The following MAP1LC3A variants were observed in gnomAD, a reference collection of about 807,000 sequenced individuals.
MAP1LC3A encodes the protein microtubule-associated protein 1 light chain 3 alpha.
In MAP1LC3A, 10 loss-of-function variants were observed where a neutral mutation model predicts 15.2. That is an observed-to-expected ratio of 0.66 (90% confidence interval 0.41 to 1.12). The LOEUF is 1.12. MAP1LC3A is among the 50% of genes most tolerant of loss of function. The probability of loss-of-function intolerance (pLI) is 0.00; values close to 1 mark genes in which losing one functional copy is unlikely to be tolerated. For missense variants in MAP1LC3A, 138 were observed against 167.3 expected, an observed-to-expected ratio of 0.82 and a Z score of 0.97; for synonymous variants, 63 against 64.3, an observed-to-expected ratio of 0.98 and a Z score of 0.10.
At chr20:34,559,287 G>GGCCCC in intron 2 of MAP1LC3A, 24 bp downstream of exon 2, 13 of 1,563,918 alleles carry the variant, frequency 8.3e-6, no homozygotes, top group East Asian at 2.3e-5. Context: ...CCCCAGCCCT[G>GGCCCC]CCCCGCCCCC....
chr20:34,558,956 C>G lies in MAP1LC3A; in HGVS notation c.40+48C>G. 1 of 1,349,304 alleles carries G rather than the reference C, an allele frequency of 7.4e-7. No individual in the cohort carries two copies. The highest frequency in any genetic ancestry group is 1.8e-5 in the South Asian group (1 of 55,846). The allele number at this position is 1,349,304 out of a possible 1,614,324, so 83.6% of individuals were successfully genotyped here. On this transcript the variant is annotated intron_variant, in intron 1 of 3. Transcript: ENST00000360668. This position sits in a 1 kb window ranked among gnomAD's most constrained non-coding sequence, Gnocchi z 4.3. ...CGAGCTCTGGGGCAGGGGTGCCGGC[C>G]GACCCCGACTGCCGCAGGTGACGTC...
chr20:34,554,565 G>A (rs1982079234), upstream of MAP1LC3A, among the ~76,000 whole-genome samples: 1 of 151,380 alleles, frequency 6.6e-6, no homozygotes, highest in Non-Finnish European at 1.5e-5. Context: ...GTAGAGACGG[G>A]GTTTCACCAT....
intron 1 of MAP1LC3A, 127 bp downstream of exon 1, chr20:34,559,035 C>G: frequency 1.5e-6 from 2 of 1,337,110 alleles, no homozygotes; most frequent in Non-Finnish European, 1.9e-6. Flanking sequence ...CAGCTCCGGC[C>G]TGGGCGGGGG....
At chr20:34,551,715 T>C (rs758119500) in intron 2 of MAP1LC3A, among the ~76,000 whole-genome samples, 6 of 152,016 alleles carry the variant, frequency 3.9e-5, no homozygotes, top group Non-Finnish European at 7.4e-5. Context: ...GATCTGCCCT[T>C]GGCCTCCCGA....
chr20:34,559,091 G>A, intron 1 of MAP1LC3A, 117 bp from the exon 2 acceptor site: 2 of 1,333,938 alleles, frequency 1.5e-6, no homozygotes, highest in Non-Finnish European at 9.7e-7. Flanking sequence ...TGTGGGGCCT[G>A]ATGGCCCCGG....
chr20:34,549,979 T>C (rs753037424), exon 2 of MAP1LC3A: 40 of 1,614,056 alleles, frequency 2.5e-5, no homozygotes, highest in Non-Finnish European at 3.4e-5. Flanking sequence ...GTTTTGCAGA[T>C]GAAGATGAGA....
rs1055265505 is a variant in MAP1LC3A, at chr20:34,559,792, G to A, written c.260G>A (p.Ser87Asn). 20 of 1,612,588 alleles carry A rather than the reference G, an allele frequency of 1.2e-5. No individual in the cohort carries two copies. Among genetic ancestry groups the A allele is most frequent in the African/African-American group, 2.7e-5 (2 of 74,850 alleles). Residue 87 changes from serine to asparagine, a missense_variant, in exon 4 of 4, where the codon AGC (serine) becomes AAC (asparagine). By Grantham distance (46) the Ser-to-Asn change is conservative. Transcript: ENST00000360668. ...QAFFLLVNQH[S>N]MVSVSTPIAD... is the part of the protein sequence containing the mutation. ...TTCTTCCTGCTGGTGAACCAGCACA[G>A]CATGGTGAGTGTGTCCACGCCCATC...
In MAP1LC3A at chr20:34,558,914, G is replaced by A. The variant is rs1211524818; in HGVS notation, c.40+6G>A. On this transcript the variant is annotated splice_donor_region_variant and intron_variant, in intron 1 of 3. Transcript: ENST00000360668. The surrounding 1 kb of genome is among the most constrained non-coding windows in gnomAD (Gnocchi z 4.3). ...CAAGCAGCGGCGGAGCTTCGGTGAG[G>A]CCCGGCAGGCGAGCTGCGAGCTCTG... The A allele has an allele frequency of 7.2e-7, 1 of 1,396,824 alleles. No homozygotes were observed. The highest frequency in any genetic ancestry group is 1.5e-5 in the South Asian group (1 of 65,906). The allele number at this position is 1,396,824 out of a possible 1,614,324, so 86.5% of individuals were successfully genotyped here.
At chr20:34,559,139 C>T in intron 1 of MAP1LC3A, 69 bp from the exon 2 acceptor site, 1 of 1,414,428 alleles carries the variant, frequency 7.1e-7, no homozygotes, top group Admixed American at 3.1e-5. Context: ...CGGGGGCCGC[C>T]CCTCCGGGAC....
rs914425720 is a variant in MAP1LC3A, at chr20:34,548,699, C to T, written c.-73-1206C>T. On this transcript the variant is annotated intron_variant, in intron 1 of 4. Transcript: ENST00000374837. ...CTACAATCTTTGGAGTGTTCCCCTT[C>T]GCTGCCTTTTTTTTTTTTTTTTAAA... Among the ~76,000 whole-genome samples the T allele has an allele frequency of 4.9e-5, 7 of 142,278 alleles. No homozygotes were observed. In the East Asian group the frequency reaches 8.4e-4, roughly 17 times the overall value. 93.3% of individuals were successfully genotyped at this position (142,278 alleles called of 152,430 possible). A position where few individuals can be genotyped will look rare whatever the true frequency, so the allele number is the denominator to read the frequency against.
intron 2 of MAP1LC3A, among the ~76,000 whole-genome samples, chr20:34,551,748 G>T (rs1319036995): frequency 6.6e-6 from 1 of 151,684 alleles, no homozygotes; most frequent in Non-Finnish European, 1.5e-5. Context: ...ACAGGCGTGA[G>T]CCACCGCGCC....
upstream of MAP1LC3A, among the ~76,000 whole-genome samples, chr20:34,556,268 G>A (rs1982154495): frequency 6.6e-6 from 1 of 152,214 alleles, no homozygotes; most frequent in African/African-American, 2.4e-5. Context: ...GCTTTTGTCT[G>A]TGGCCAAAGA....
chr20:34,557,932 C>T (rs1460642922), upstream of MAP1LC3A, among the ~76,000 whole-genome samples: 1 of 136,882 alleles, frequency 7.3e-6, no homozygotes, highest in Non-Finnish European at 1.6e-5. Flanking sequence ...CGTCCCCCTC[C>T]CCCCTCCCCC....
At chr20:34,555,382 T>G (rs1982118411), upstream of MAP1LC3A, among the ~76,000 whole-genome samples, 1 of 152,140 alleles carries the variant, frequency 6.6e-6, no homozygotes. Flanking sequence ...TGGCCTCAAG[T>G]GATCTGCCCA....
chr20:34,551,129 G>A (rs1015330502), intron 2 of MAP1LC3A, among the ~76,000 whole-genome samples: 13 of 151,762 alleles, frequency 8.6e-5, no homozygotes, highest in South Asian at 2.1e-4. Flanking sequence ...GCATGCTCCC[G>A]TAATCCCAGC....
At chr20:34,558,415 C>G (rs909501812), upstream of MAP1LC3A, 6 of 991,900 alleles carry the variant, frequency 6.0e-6, no homozygotes, top group Middle Eastern at 5.1e-4. This position sits in a 1 kb window ranked among gnomAD's most constrained non-coding sequence, Gnocchi z 4.3. Flanking sequence ...CTGACACAGA[C>G]TCGGTGAGGG....
chr20:34,558,413 G>C (rs986702622), upstream of MAP1LC3A: 14 of 991,682 alleles, frequency 1.4e-5, no homozygotes, highest in Admixed American at 6.1e-5. The surrounding 1 kb of genome is among the most constrained non-coding windows in gnomAD (Gnocchi z 4.3). Context: ...TCCTGACACA[G>C]ACTCGGTGAG....
chr20:34,559,861 A>G lies in MAP1LC3A; in HGVS notation c.329A>G (p.Tyr110Cys), dbSNP rs1982372267. The G allele has an allele frequency of 6.2e-7, 1 of 1,613,862 alleles. No homozygotes were observed. The highest frequency in any genetic ancestry group is 8.5e-7 in the Non-Finnish European group (1 of 1,179,942). Residue 110 changes from tyrosine to cysteine, a missense_variant, in exon 4 of 4, where the codon TAT becomes TGT. Transcript: ENST00000360668. ...GAGAAAGACGAGGACGGCTTCCTCT[A>G]TATGGTCTACGCCTCCCAGGAAACC... ...EQEKDEDGFLYMVYASQETFG... is the reference protein window; with the variant it reads ...EQEKDEDGFLCMVYASQETFG...
chr20:34,551,125 T>C (rs1448535850), intron 2 of MAP1LC3A, among the ~76,000 whole-genome samples: 2 of 151,436 alleles, frequency 1.3e-5, no homozygotes, highest in African/African-American at 2.4e-5. Flanking sequence ...GGTGGCATGC[T>C]CCCGTAATCC....
Sources: gnomAD v4.1 joint callset for allele counts (sites outside exome capture counted in the v4.1 genomes callset) on GRCh38, gnomAD v4.1.1 for gene constraint, Gnocchi (gnomAD v3.1) non-coding constraint, MANE v1.5 for transcripts, NCBI Gene and HGNC (gene_info 2026-07-23, HGNC 2026-07-21) for gene names.